The following GLE1 variants were observed in gnomAD, a reference collection of about 807,000 sequenced individuals.
GLE1 encodes mRNA export factor GLE1.
GLE1 carries 78 observed loss-of-function variants against 97.3 expected under a neutral mutation model. The ratio of observed to expected loss-of-function variants is 0.80; its 90% confidence interval spans 0.67 to 0.97. The LOEUF (loss-of-function observed/expected upper bound fraction) is 0.97. GLE1 is among the 50% of genes least tolerant of loss of function. The pLI is 0.00. For missense variants in GLE1, 753 were observed against 857.5 expected (o/e 0.88, Z 1.52); for synonymous variants, 302 against 313.4 (o/e 0.96, Z 0.39).
chr9:128,521,738 A>G (rs952511016), intron 3 of GLE1, among the ~76,000 whole-genome samples: 70 of 152,280 alleles, frequency 4.6e-4, no homozygotes, highest in African/African-American at 1.6e-3. Context: ...GCTGTTATCA[A>G]CAGGGCTCCA....
In GLE1 at chr9:128,523,807, G is replaced by T; in HGVS notation, c.858G>T (p.Leu286=). ...CCTTCCAGACCCGAGGCAACCAGCTGTGCAGCCTCATCTCAGGGATCATCC... is the reference window on the plus strand; with the variant it reads ...CCTTCCAGACCCGAGGCAACCAGCTTTGCAGCCTCATCTCAGGGATCATCC... ...LAAFQTRGNQ[L]CSLISGIIRA... is the part of the protein sequence containing the mutation. Residue 286 remains leucine, a synonymous_variant, in exon 6 of 16, where the codon CTG becomes CTT. Transcript: ENST00000309971. The T allele has an allele frequency of 6.2e-7, 1 of 1,613,990 alleles. No homozygotes were observed. The highest frequency in any genetic ancestry group is 8.5e-7 in the Non-Finnish European group (1 of 1,179,976).
At chr9:128,528,699 G>A (rs1362748147) in intron 9 of GLE1, among the ~76,000 whole-genome samples, 1 of 152,144 alleles carries the variant, frequency 6.6e-6, no homozygotes, top group East Asian at 1.9e-4. Context: ...CATCACTCAG[G>A]GAACCTAGGC....
intron 3 of GLE1, 56 bp downstream of exon 3, chr9:128,515,695 A>T (rs930003765): frequency 1.1e-6 from 1 of 912,042 alleles, no homozygotes; most frequent in African/African-American, 1.6e-5. Flanking sequence ...ATTTAACTGC[A>T]GTTCCCCAGG....
chr9:128,537,266 A>G (rs1471062403), intron 12 of GLE1, among the ~76,000 whole-genome samples: 2 of 151,894 alleles, frequency 1.3e-5, no homozygotes, highest in Non-Finnish European at 2.9e-5. Flanking sequence ...CAGCCTGGCC[A>G]ACATGGTGAA....
Position 128,523,261 on chromosome 9 carries a change from C to T in GLE1, c.582-19C>T. ...CAGGAAGTATCCCTGACTATTCCTC[C>T]CTGCCATTTTTCATGCAGCTCCAGA... is the stretch of plus-strand genomic sequence containing the variant. On this transcript the variant is annotated intron_variant, in intron 4 of 15. Coordinates refer to ENST00000309971, the MANE Select transcript of GLE1 (RefSeq NM_001003722.2). The T allele has an allele frequency of 6.3e-7, 1 of 1,587,844 alleles. No individual in the cohort carries two copies. Among genetic ancestry groups the T allele is most frequent in the Non-Finnish European group, 8.7e-7 (1 of 1,156,060 alleles).
At chr9:128,516,103 C>T (rs1325665794) in intron 3 of GLE1, among the ~76,000 whole-genome samples, 2 of 151,558 alleles carry the variant, frequency 1.3e-5, no homozygotes, top group South Asian at 2.1e-4. Context: ...ATTACAGGCT[C>T]GCGCCACCAC....
chr9:128,523,452 G>A, intron 5 of GLE1, 112 bp downstream of exon 5: 2 of 1,374,708 alleles, frequency 1.5e-6, no homozygotes, highest in Non-Finnish European at 2.1e-6. Flanking sequence ...TATTATGCCT[G>A]TGTATGACTA....
chr9:128,533,500 C>A lies in GLE1; in HGVS notation c.1313-13C>A. The A allele has an allele frequency of 1.3e-6, 2 of 1,519,828 alleles. No individual in the cohort carries two copies. Among genetic ancestry groups the A allele is most frequent in the Non-Finnish European group, 1.8e-6 (2 of 1,101,596 alleles). The allele number at this position is 1,519,828 out of a possible 1,614,324, so 94.1% of individuals were successfully genotyped here. On this transcript the variant is annotated splice_polypyrimidine_tract_variant and intron_variant, in intron 9 of 15. Transcript: ENST00000309971. ...TGTGGTTATATCTTTTAATTTCTCTCTATCATGCTCAGGCTCAAAACTGAA... is the reference window on the plus strand; with the variant it reads ...TGTGGTTATATCTTTTAATTTCTCTATATCATGCTCAGGCTCAAAACTGAA...
At chr9:128,524,172 G>A (rs1221776283) in intron 6 of GLE1, among the ~76,000 whole-genome samples, 4 of 136,608 alleles carry the variant, frequency 2.9e-5, no homozygotes, top group East Asian at 2.5e-4. Flanking sequence ...TCTGCCTCCC[G>A]GGCTCAAGTG....
intron 3 of GLE1, among the ~76,000 whole-genome samples, chr9:128,521,493 C>A (rs1290236959): frequency 6.6e-6 from 1 of 152,056 alleles, no homozygotes. Context: ...ATAAGTGTGC[C>A]ACTGCACTCT....
At chr9:128,529,722 C>A (rs1421326544) in intron 9 of GLE1, among the ~76,000 whole-genome samples, 1 of 152,040 alleles carries the variant, frequency 6.6e-6, no homozygotes. Context: ...CTCTCTCTCT[C>A]CCCTTTGTGG....
chr9:128,533,933 C>T lies in GLE1; in HGVS notation c.1628C>T (p.Ala543Val). ...PFYPTFKEGM[A>V]LEDYQRMLGY... ...TATCCCACTTTCAAGGAGGGAATGG[C>T]TTTGGAAGACTATCAGAGGTAAAGT... Residue 543 changes from alanine (A) to valine (V), a missense_variant, in exon 11 of 16, where the codon GCT (alanine) becomes GTT (valine). Physicochemically the swap from Ala to Val is moderately conservative, Grantham distance 64. Transcript: ENST00000309971. 1.2e-6 allele frequency: 2 copies of T among 1,608,636 alleles called. No individual in the cohort carries two copies. Among genetic ancestry groups the T allele is most frequent in the Non-Finnish European group, 8.5e-7 (1 of 1,174,974 alleles).
intron 3 of GLE1, among the ~76,000 whole-genome samples, chr9:128,518,535 T>C (rs768799676): frequency 3.9e-5 from 6 of 151,948 alleles, no homozygotes; most frequent in Admixed American, 6.6e-5. Flanking sequence ...TACTCCAGCC[T>C]GGGTGACAGA....
rs1401989872 is a variant in GLE1 at position 128,541,216 on chromosome 9, A to G, written c.*46A>G. On this transcript the variant is annotated 3_prime_UTR_variant, in exon 16 of 16. Coordinates refer to ENST00000309971, the MANE Select transcript of GLE1 (RefSeq NM_001003722.2). ...TCACCGCTGCTGCAAAGAGGCAATA[A>G]TAAAGGAACTGAAGACAGCTGTATT... 2.9e-6 allele frequency: 3 copies of G among 1,044,528 alleles called. No homozygotes were observed. The highest frequency in any genetic ancestry group is 1.7e-5 in the Admixed American group (1 of 59,374). 64.7% of individuals were successfully genotyped at this position (1,044,528 alleles called of 1,614,324 possible).
At chr9:128,537,925 C>T in intron 12 of GLE1, 61 bp from the exon 13 acceptor site, 3 of 938,146 alleles carry the variant, frequency 3.2e-6, no homozygotes, top group Non-Finnish European at 5.2e-6. Context: ...GGATGATACA[C>T]TGGGAGTTTA....
intron 3 of GLE1, among the ~76,000 whole-genome samples, chr9:128,519,253 A>G (rs963081166): frequency 1.3e-5 from 2 of 152,232 alleles, no homozygotes; most frequent in Non-Finnish European, 2.9e-5. Context: ...GAACAGGATA[A>G]CAGCAATGTT....
chr9:128,530,168 A>G (rs1280716928), intron 9 of GLE1, among the ~76,000 whole-genome samples: 14 of 152,132 alleles, frequency 9.2e-5, no homozygotes, highest in African/African-American at 3.4e-4. Context: ...CTGAATGCTG[A>G]TGACTCCCAA....
At chr9:128,533,699 G>A (rs1202928488) in intron 10 of GLE1, 44 bp downstream of exon 10, 2 of 1,611,696 alleles carry the variant, frequency 1.2e-6, no homozygotes, top group Non-Finnish European at 1.7e-6. Flanking sequence ...AGAGGCTGGT[G>A]TACAAGATTT....
At chr9:128,533,085 C>G (rs1037727505) in intron 9 of GLE1, among the ~76,000 whole-genome samples, 3 of 152,090 alleles carry the variant, frequency 2.0e-5, no homozygotes, top group African/African-American at 4.8e-5. Flanking sequence ...CCCTTCATTT[C>G]TGTAGGGCAG....
Sources: allele counts gnomAD v4.1 joint callset (sites outside exome capture counted in the v4.1 genomes callset), GRCh38; gene constraint gnomAD v4.1.1; transcripts MANE v1.5; gene names NCBI Gene and HGNC (gene_info 2026-07-23, HGNC 2026-07-21).